Variants in OSBP2 observed in about 807,000 individuals in gnomAD.
The protein encoded by OSBP2 is oxysterol binding protein 2, also known as oxysterol-binding protein 2.
A neutral mutation model predicts 96.0 loss-of-function variants in OSBP2; 66 were observed. The ratio of observed to expected loss-of-function variants is 0.69; its 90% CI spans 0.56 to 0.84. OSBP2 has a LOEUF of 0.84. Among genes scored for constraint, OSBP2 ranks in the 40% least tolerant of loss-of-function variants. OSBP2 has a pLI of 0.00. For missense variants in OSBP2, 1,038 were observed against 1,222.7 expected (o/e 0.85, Z 2.25); for synonymous variants, 525 against 520.9 (o/e 1.01, Z -0.11).
rs561024429 is a variant in OSBP2, at chr22:30,765,632, C to G, written c.853+24263C>G. Among the ~76,000 whole-genome samples the G allele has an allele frequency of 1.3e-4, 20 of 152,338 alleles. No homozygotes were observed. The South Asian group carries it at 4.1e-3, about 32-fold the overall frequency. ...ATTGCTTATTGCTGCTATCTCTCTTCCCCCATCTCCAAATTCCATGTTTTT... is the reference window on the plus strand; with the variant it reads ...ATTGCTTATTGCTGCTATCTCTCTTGCCCCATCTCCAAATTCCATGTTTTT... On this transcript the variant is annotated intron_variant, in intron 2 of 13. Coordinates refer to ENST00000332585, the MANE Select transcript of OSBP2 (RefSeq NM_030758.4).
intron 3 of OSBP2, among the ~76,000 whole-genome samples, chr22:30,883,902 C>T (rs55694472): frequency 0.031 from 4,698 of 152,246 alleles, 93 homozygotes; most frequent in Middle Eastern, 0.058. Flanking sequence ...CACTCTAAGG[C>T]CTACAGCAGT....
intron 2 of OSBP2, among the ~76,000 whole-genome samples, chr22:30,805,218 A>G (rs1442318898): frequency 6.6e-6 from 1 of 152,246 alleles, no homozygotes; most frequent in Non-Finnish European, 1.5e-5. Flanking sequence ...ATTTATGCAC[A>G]GTTATAAAAC....
chr22:30,702,086 A>G (rs888400240), intron 1 of OSBP2, among the ~76,000 whole-genome samples: 1 of 152,102 alleles, frequency 6.6e-6, no homozygotes, highest in African/African-American at 2.4e-5. Flanking sequence ...CCTCTGAGTC[A>G]TACTTGCTGC....
intron 2 of OSBP2, among the ~76,000 whole-genome samples, chr22:30,757,855 A>G (rs2090160429): frequency 6.6e-6 from 1 of 152,132 alleles, no homozygotes; most frequent in East Asian, 1.9e-4. Flanking sequence ...GATGACTAAG[A>G]AGTGAACCTG....
At chr22:30,831,893 A>C (rs142512124) in intron 2 of OSBP2, among the ~76,000 whole-genome samples, 2,055 of 152,230 alleles carry the variant, frequency 0.013, 26 homozygotes, top group Middle Eastern at 0.044. Context: ...AGAACCTGTT[A>C]ACCACCCTCT....
chr22:30,772,531 G>GC (rs900899785), intron 2 of OSBP2, among the ~76,000 whole-genome samples: 5 of 152,150 alleles, frequency 3.3e-5, no homozygotes, highest in African/African-American at 1.2e-4. Flanking sequence ...TGTGAGCTCA[G>GC]CCAGAAGTGT....
rs759150077 is a variant in OSBP2, at chr22:30,893,963, C to A, written c.2337C>A (p.Thr779=). The A allele has an allele frequency of 6.2e-7, 1 of 1,600,028 alleles. No individual in the cohort carries two copies. Among genetic ancestry groups the A allele is most frequent in the Admixed American group, 1.7e-5 (1 of 57,956 alleles). Residue 779 remains threonine (T), a synonymous_variant, in exon 12 of 14, where the codon ACC becomes ACA. Coordinates refer to ENST00000332585, the MANE Select transcript of OSBP2 (RefSeq NM_030758.4). ...SDGKQKTVYQ[T]LSAKLLWKKY... is the part of the protein sequence containing the mutation. ...GGAAGCAGAAGACAGTGTACCAGAC[C>A]CTGTCAGCCAAGCTGCTGTGGAAGA...
At chr22:30,839,270 C>T (rs1007130415) in intron 2 of OSBP2, among the ~76,000 whole-genome samples, 5 of 146,176 alleles carry the variant, frequency 3.4e-5, no homozygotes, top group Admixed American at 2.0e-4. Context: ...TGGCTTGGTT[C>T]CAAGTCTTTG....
chr22:30,877,532 G>A (rs1019940767), intron 3 of OSBP2, among the ~76,000 whole-genome samples: 1 of 152,156 alleles, frequency 6.6e-6, no homozygotes, highest in African/African-American at 2.4e-5. Context: ...GATTGAGTTC[G>A]TACATATTAC....
chr22:30,702,506 C>T (rs1602142607), intron 1 of OSBP2, among the ~76,000 whole-genome samples: 1 of 152,154 alleles, frequency 6.6e-6, no homozygotes, highest in South Asian at 2.1e-4. Context: ...CCCAGCTACT[C>T]GGGAGTCTGA....
intron 3 of OSBP2, among the ~76,000 whole-genome samples, chr22:30,879,169 G>A (rs1270322426): frequency 6.6e-6 from 1 of 152,252 alleles, no homozygotes; most frequent in Non-Finnish European, 1.5e-5. Flanking sequence ...AACCCAGGCA[G>A]GGGTGAGAGG....
chr22:30,712,003 G>A (rs2089361501), intron 1 of OSBP2, among the ~76,000 whole-genome samples: 1 of 152,096 alleles, frequency 6.6e-6, no homozygotes, highest in African/African-American at 2.4e-5. Context: ...AGGTACTCAC[G>A]TGACACGAAA....
intron 2 of OSBP2, among the ~76,000 whole-genome samples, chr22:30,758,741 T>G (rs2090171280): frequency 6.6e-6 from 1 of 151,960 alleles, no homozygotes; most frequent in Non-Finnish European, 1.5e-5. Flanking sequence ...GCCCAAGAAG[T>G]GAGGGAACCC....
At chr22:30,726,983 G>A (rs1405386741) in intron 1 of OSBP2, among the ~76,000 whole-genome samples, 1 of 152,196 alleles carries the variant, frequency 6.6e-6, no homozygotes, top group Non-Finnish European at 1.5e-5. Context: ...GAGTATAAGT[G>A]AACCTGGGTG....
At chr22:30,898,216 A>G (rs5749190) in intron 12 of OSBP2, among the ~76,000 whole-genome samples, 7,521 of 152,058 alleles carry the variant, frequency 0.049, 255 homozygotes, top group East Asian at 0.12. Context: ...GCCAGGCATG[A>G]TGGTACATGC....
intron 2 of OSBP2, among the ~76,000 whole-genome samples, chr22:30,741,865 G>A (rs1270410514): frequency 6.7e-6 from 1 of 150,080 alleles, no homozygotes; most frequent in Admixed American, 6.6e-5. Flanking sequence ...TGTCGCCCAG[G>A]CTGGAGTACA....
chr22:30,796,727 C>G (rs1327323107), intron 2 of OSBP2, among the ~76,000 whole-genome samples: 1 of 152,074 alleles, frequency 6.6e-6, no homozygotes, highest in Non-Finnish European at 1.5e-5. Context: ...AGGTTGGTCT[C>G]GAACTCCTGA....
rs2049036142 is a variant in OSBP2 at position 30,763,353 on chromosome 22, C to CA, written c.853+21987dup. The stretch of plus-strand genomic sequence containing the variant: ...GTGGGATTGGCAGATTCAAAATATA[C>CA]AAACACAGGTTGGCCGGGTGCAGTG... On this transcript the variant is annotated intron_variant, in intron 2 of 13. Coordinates refer to ENST00000332585, the MANE Select transcript of OSBP2 (RefSeq NM_030758.4). Among the ~76,000 whole-genome samples the CA allele has an allele frequency of 2.0e-5, 3 of 152,230 alleles. No individual in the cohort carries two copies. In the South Asian group the frequency reaches 6.2e-4, roughly 32 times the overall value.
chr22:30,888,208 T>G lies in OSBP2; in HGVS notation c.1301-15T>G, dbSNP rs749123529. Reference sequence around the variant, plus strand: ...TTTGTGAGGTTACAAATTAAAGCTCTGTCTGTGTCTCTAGGAAGCCTCTTG... The same window carrying G: ...TTTGTGAGGTTACAAATTAAAGCTCGGTCTGTGTCTCTAGGAAGCCTCTTG... On this transcript the variant is annotated splice_polypyrimidine_tract_variant and intron_variant, in intron 4 of 13. Transcript: ENST00000332585. 9.0e-5 allele frequency: 136 copies of G among 1,518,206 alleles called. 1 individual carries two copies. In the African/African-American group the frequency reaches 1.6e-3, roughly 18 times the overall value. The allele number at this position is 1,518,206 out of a possible 1,614,324, so 94.0% of individuals were successfully genotyped here.
Sources: allele counts gnomAD v4.1 joint callset (sites outside exome capture counted in the v4.1 genomes callset), GRCh38; gene constraint gnomAD v4.1.1; transcripts MANE v1.5; gene names NCBI Gene and HGNC (gene_info 2026-07-23, HGNC 2026-07-21).